NPNT: variants seen among roughly 807,000 people sequenced by gnomAD.
NPNT encodes nephronectin, also known as preosteoblast EGF-like repeat protein with MAM domain.
NPNT carries 45 observed loss-of-function variants against 68.6 expected under a neutral mutation model. That is an observed-to-expected ratio of 0.66 (90% CI 0.52 to 0.84). The LOEUF (loss-of-function observed/expected upper bound fraction) is 0.84. Ranked by LOEUF, NPNT falls within the 40% of genes least tolerant of loss-of-function variation. The pLI, the probability that NPNT is intolerant of heterozygous loss-of-function variation, is 0.00. For synonymous variants in NPNT, 233 were observed against 253.3 expected (o/e 0.92, Z 0.76); for missense variants, 672 against 714.8 (o/e 0.94, Z 0.68).
At chr4:105,904,936 G>A (rs1325121027) in intron 2 of NPNT, among the ~76,000 whole-genome samples, 5 of 151,992 alleles carry the variant, frequency 3.3e-5, no homozygotes, top group South Asian at 2.1e-4. Context: ...GAGTTTCATC[G>A]TGTTGGTCTG....
At chr4:105,948,242 A>G (rs570326068) in intron 8 of NPNT, among the ~76,000 whole-genome samples, 1 of 152,358 alleles carries the variant, frequency 6.6e-6, no homozygotes, top group Non-Finnish European at 1.5e-5. Context: ...TAGAAAAGGA[A>G]TATGAAAATA....
intron 8 of NPNT, among the ~76,000 whole-genome samples, chr4:105,956,156 A>G (rs1009917322): frequency 4.0e-5 from 6 of 149,378 alleles, no homozygotes; most frequent in African/African-American, 1.5e-4. Flanking sequence ...TTCTAACTGT[A>G]TGATCTAATC....
Position 105,899,512 on chromosome 4 carries a change from CT to C in NPNT, c.172+1515del, listed in dbSNP as rs577318752. On this transcript the variant is annotated intron_variant, in intron 2 of 11. Coordinates refer to ENST00000379987, the MANE Select transcript of NPNT (RefSeq NM_001033047.3). The stretch of plus-strand genomic sequence containing the variant: ...GAGTGTACAGCAGCTTTGCCTACTT[CT>C]TTTGTTTACTGGAAACTGGAGTTAC... Among the ~76,000 whole-genome samples the C allele has an allele frequency of 3.3e-4, 51 of 152,286 alleles. 1 individual carries two copies. In the South Asian group the frequency reaches 0.01, roughly 31 times the overall value.
chr4:105,938,631 T>A (rs1285310541), intron 5 of NPNT, among the ~76,000 whole-genome samples: 1 of 152,192 alleles, frequency 6.6e-6, no homozygotes, highest in Non-Finnish European at 1.5e-5. Context: ...GGAGGAGGCC[T>A]CAGGCAGAGG....
chr4:105,922,386 GAT>G (rs1452247774), intron 2 of NPNT, among the ~76,000 whole-genome samples: 11 of 132,040 alleles, frequency 8.3e-5, no homozygotes, highest in South Asian at 2.2e-4. Flanking sequence ...ACTTAAGATG[GAT>G]ATTTTTTTTT....
chr4:105,950,275 T>TC (rs538814608), intron 8 of NPNT, among the ~76,000 whole-genome samples: 163 of 152,278 alleles, frequency 1.1e-3, no homozygotes, highest in African/African-American at 3.7e-3. Context: ...AGATTTTTTT[T>TC]CCCCAGTGTT....
Position 105,897,797 on chromosome 4 carries a change from A to C in NPNT, c.72-104A>C, listed in dbSNP as rs902122315. Reference sequence around the variant, plus strand: ...TGCAGGCATAAAAGAGTTTGTAGAAAATTGTTGGGTGTGGTTGACATTTTT... The same window carrying C: ...TGCAGGCATAAAAGAGTTTGTAGAACATTGTTGGGTGTGGTTGACATTTTT... On this transcript the variant is annotated intron_variant, in intron 1 of 11. Transcript: ENST00000379987. 17 of 851,554 alleles carry C rather than the reference A, an allele frequency of 2.0e-5. 1 individual carries two copies. Among genetic ancestry groups the C allele is most frequent in the Non-Finnish European group, 2.3e-5 (12 of 523,024 alleles). The allele number at this position is 851,554 out of a possible 1,614,324, so 52.7% of individuals were successfully genotyped here.
intron 4 of NPNT, 121 bp from the exon 5 acceptor site, chr4:105,938,180 G>A (rs555321025): frequency 5.0e-6 from 4 of 804,994 alleles, no homozygotes; most frequent in Admixed American, 2.7e-5. Flanking sequence ...GATAGTTAAG[G>A]CCTCTTTGTC....
At chr4:105,943,350 T>C (rs1730140248) in intron 8 of NPNT, among the ~76,000 whole-genome samples, 2 of 152,248 alleles carry the variant, frequency 1.3e-5, no homozygotes, top group South Asian at 4.1e-4. Flanking sequence ...GCCCAACAAA[T>C]GCAAAGAAGT....
intron 8 of NPNT, among the ~76,000 whole-genome samples, chr4:105,947,836 G>A (rs956648131): frequency 4.6e-5 from 7 of 152,014 alleles, no homozygotes; most frequent in African/African-American, 1.7e-4. Flanking sequence ...ACCCAATACT[G>A]ATCACGGGGG....
At chr4:105,908,569 C>CT (rs35079311) in intron 2 of NPNT, among the ~76,000 whole-genome samples, 6,587 of 144,390 alleles carry the variant, frequency 0.046, 269 homozygotes, top group African/African-American at 0.12. Context: ...AACCTTTAGC[C>CT]TTTTTTTTTT....
chr4:105,930,915 G>T (rs1451235749), intron 3 of NPNT, among the ~76,000 whole-genome samples: 1 of 152,142 alleles, frequency 6.6e-6, no homozygotes, highest in Admixed American at 6.6e-5. Flanking sequence ...TTGGTGGCTT[G>T]ATCTTCCCCA....
intron 3 of NPNT, among the ~76,000 whole-genome samples, chr4:105,931,996 A>G (rs1343840529): frequency 6.6e-6 from 1 of 152,214 alleles, no homozygotes; most frequent in Non-Finnish European, 1.5e-5. Context: ...TATTTTGGTA[A>G]GCTAATAATG....
chr4:105,933,767 G>C lies in NPNT; in HGVS notation c.266-3242G>C, dbSNP rs62317727. ...TTTCCTGAAGTTTAATAATAATGCTGTGCAGCTTGCATTTCCATTCTGGAC... is the reference window on the plus strand; with the variant it reads ...TTTCCTGAAGTTTAATAATAATGCTCTGCAGCTTGCATTTCCATTCTGGAC... On this transcript the variant is annotated intron_variant, in intron 3 of 11. Transcript: ENST00000379987. Among the ~76,000 whole-genome samples the C allele has an allele frequency of 3.4e-4, 51 of 152,120 alleles. 1 individual carries two copies. Among genetic ancestry groups the C allele is most frequent in the African/African-American group, 1.1e-3 (47 of 41,512 alleles).
At chr4:105,968,303 CAA>C (rs1423538440) in intron 11 of NPNT, among the ~76,000 whole-genome samples, 1 of 152,096 alleles carries the variant, frequency 6.6e-6, no homozygotes, top group Non-Finnish European at 1.5e-5. Context: ...AGAAATAAAA[CAA>C]GATAATCATT....
Position 105,958,488 on chromosome 4 carries a change from A to G in NPNT, c.1177A>G (p.Asn393Asp). 7 of 1,611,270 alleles carry G rather than the reference A, an allele frequency of 4.3e-6. No individual in the cohort carries two copies. Among genetic ancestry groups the G allele is most frequent in the Non-Finnish European group, 5.9e-6 (7 of 1,178,098 alleles). ...TCTTGCAGTTCCACGGCAACCTTCA[A>G]ATGACTTGTTTGAAATATTTGAAAT... ...GDVFIPRQPSNDLFEIFEIER... is the reference protein window; with the variant it reads ...GDVFIPRQPSDDLFEIFEIER... Residue 393 changes from asparagine (N) to aspartate (D), a missense_variant, in exon 9 of 12, where the codon AAT becomes GAT. Transcript: ENST00000379987.
At chr4:105,928,613 C>CA (rs75354182) in intron 3 of NPNT, among the ~76,000 whole-genome samples, 4,699 of 92,124 alleles carry the variant, frequency 0.051, 287 homozygotes, top group African/African-American at 0.15. Flanking sequence ...AACTCTGTCT[C>CA]AAAAAAAAAA....
chr4:105,896,056 G>A, intron 1 of NPNT: 1 of 353,064 alleles, frequency 2.8e-6, no homozygotes, highest in Non-Finnish European at 5.2e-6. Flanking sequence ...ACGCCGAGGT[G>A]ACGCGCGAAA....
At chr4:105,904,373 C>T (rs142226382) in intron 2 of NPNT, among the ~76,000 whole-genome samples, 3 of 152,296 alleles carry the variant, frequency 2.0e-5, no homozygotes, top group Non-Finnish European at 4.4e-5. Flanking sequence ...GACTGAATGG[C>T]GATGCTGACC....
Sources: allele counts gnomAD v4.1 joint callset (sites outside exome capture counted in the v4.1 genomes callset), GRCh38; gene constraint gnomAD v4.1.1; transcripts MANE v1.5; gene names NCBI Gene and HGNC (gene_info 2026-07-23, HGNC 2026-07-21).